LEUTX: variants seen among roughly 807,000 people sequenced by gnomAD.
LEUTX encodes the protein paired-like homeodomain transcription factor LEUTX.
A neutral mutation model predicts 4.5 loss-of-function variants in LEUTX; 5 were observed. That is an observed-to-expected ratio of 1.11 (90% confidence interval 0.58 to 2.34). LEUTX has a LOEUF of 2.34. LEUTX is among the 30% of genes most tolerant of loss of function. The probability of loss-of-function intolerance (pLI) is 0.01; values close to 1 mark genes in which losing one functional copy is unlikely to be tolerated. For missense variants in LEUTX, 233 were observed against 239.4 expected, an observed-to-expected ratio of 0.97 and a Z score of 0.18; for synonymous variants, 89 against 85.1, an observed-to-expected ratio of 1.05 and a Z score of -0.25.
Position 39,785,839 on chromosome 19 carries a change from C to G in LEUTX, c.301C>G (p.Arg101Gly), listed in dbSNP as rs547985951. 3.2e-6 allele frequency: 5 copies of G among 1,551,778 alleles called. No individual in the cohort carries two copies. In the Admixed American group the frequency reaches 9.8e-5, roughly 30 times the overall value. ...TPSAITTANI[R>G]PVSPGISDAN... ...CTCAGCCATAACTACTGCAAACATT[C>G]GTCCAGTAAGTCCTGGAATCTCTGA... is the stretch of plus-strand genomic sequence containing the variant. Residue 101 changes from arginine to glycine, a missense_variant, in exon 3 of 3, where the codon CGT becomes GGT. Coordinates refer to ENST00000638280, the MANE Select transcript of LEUTX (RefSeq NM_001382345.1).
upstream of LEUTX, among the ~76,000 whole-genome samples, chr19:39,777,818 C>A (rs73546609): frequency 4.1e-3 from 617 of 152,298 alleles, 7 homozygotes; most frequent in African/African-American, 0.014. Context: ...TAAAACAAAA[C>A]GTAAAAAGAT....
intron 2 of LEUTX, 126 bp downstream of exon 2, chr19:39,784,804 TTA>T: frequency 1.5e-6 from 1 of 656,882 alleles, no homozygotes; most frequent in Non-Finnish European, 2.6e-6. Context: ...GTTAAGCACT[TTA>T]TATTTTTATT....
chr19:39,781,845 G>A (rs2144956362), intron 1 of LEUTX, among the ~76,000 whole-genome samples: 1 of 152,260 alleles, frequency 6.6e-6, no homozygotes, highest in East Asian at 1.9e-4. Context: ...CATGCACCAA[G>A]CCTGTAATTA....
chr19:39,786,210 T>G lies in LEUTX; in HGVS notation c.*75T>G. ...ATATTTCCACACATCTTTAATGGTT[T>G]GACCCCAGTCTAAGTAGATCAGGGG... is the stretch of plus-strand genomic sequence containing the variant. On this transcript the variant is annotated 3_prime_UTR_variant, in exon 3 of 3. Transcript: ENST00000638280. The G allele has an allele frequency of 8.4e-7, 1 of 1,184,774 alleles. No homozygotes were observed. Among genetic ancestry groups the G allele is most frequent in the Non-Finnish European group, 1.2e-6 (1 of 859,600 alleles). The allele number at this position is 1,184,774 out of a possible 1,614,324, so 73.4% of individuals were successfully genotyped here.
intron 1 of LEUTX, among the ~76,000 whole-genome samples, chr19:39,780,358 T>C (rs917747658): frequency 2.0e-5 from 3 of 152,220 alleles, no homozygotes; most frequent in African/African-American, 7.2e-5. Context: ...TTGATGGAAA[T>C]TCTACTTCCC....
intron 1 of LEUTX, among the ~76,000 whole-genome samples, chr19:39,782,272 C>T (rs971641302): frequency 6.6e-6 from 1 of 152,122 alleles, no homozygotes; most frequent in East Asian, 1.9e-4. Flanking sequence ...AATTCCCATG[C>T]GTTGTGGGAA....
rs1184597877 is a variant in LEUTX at position 39,785,959 on chromosome 19, T to C, written c.421T>C (p.Tyr141His). The change falls in exon 3 of 3, where the codon TAT (tyrosine) becomes CAT (histidine). Residue 141 changes from tyrosine (Y) to histidine (H), a missense_variant. Tyr to His is a moderately conservative substitution (Grantham distance 83, BLOSUM62 2). Transcript: ENST00000638280. ...ARVSSWDSQS[Y>H]DIEQICLGAS... Reference sequence around the variant, plus strand: ...GGTTTCATCCTGGGATTCTCAGTCATATGACATTGAACAGATATGTCTGGG... The same window carrying C: ...GGTTTCATCCTGGGATTCTCAGTCACATGACATTGAACAGATATGTCTGGG... The C allele has an allele frequency of 1.3e-6, 2 of 1,551,682 alleles. No homozygotes were observed. Among genetic ancestry groups the C allele is most frequent in the African/African-American group, 2.7e-5 (2 of 73,072 alleles).
rs369685173 is a variant in LEUTX at position 39,785,783 on chromosome 19, A to G, written c.245A>G (p.Gln82Arg). The change falls in exon 3 of 3, where the codon CAG (glutamine) becomes CGG (arginine). Residue 82 changes from glutamine (Q) to arginine (R), a missense_variant. Physicochemically the swap from Gln to Arg is conservative, Grantham distance 43. Coordinates refer to ENST00000638280, the MANE Select transcript of LEUTX (RefSeq NM_001382345.1). ...QTRPSLGPAN[Q>R]TTSVKKEETP... ...CGGCCATCACTAGGGCCAGCAAACC[A>G]GACAACTTCAGTGAAGAAGGAGGAG... 5 of 1,551,780 alleles carry G rather than the reference A, an allele frequency of 3.2e-6. No homozygotes were observed. Among genetic ancestry groups the G allele is most frequent in the Non-Finnish European group, 4.4e-6 (5 of 1,147,002 alleles).
At chr19:39,779,062 A>G (rs757019001) in intron 1 of LEUTX, 135 bp downstream of exon 1, 2 of 152,316 alleles carry the variant, frequency 1.3e-5, no homozygotes, top group Non-Finnish European at 2.9e-5. Flanking sequence ...TATACCAACA[A>G]GGATTGTTTG....
At chr19:39,784,826 A>G (rs1232495560) in intron 2 of LEUTX, 148 bp downstream of exon 2, 1 of 603,202 alleles carries the variant, frequency 1.7e-6, no homozygotes, top group Non-Finnish European at 2.9e-6. Flanking sequence ...TGTCATGAGC[A>G]CCCACTTTAT....
intron 1 of LEUTX, among the ~76,000 whole-genome samples, chr19:39,780,447 G>T (rs926662683): frequency 6.6e-6 from 1 of 151,966 alleles, no homozygotes; most frequent in Non-Finnish European, 1.5e-5. Context: ...TTCATTTATT[G>T]TGCTCATCGT....
At chr19:39,785,591 A>G in intron 2 of LEUTX, 107 bp from the exon 3 acceptor site, 2 of 816,228 alleles carry the variant, frequency 2.5e-6, no homozygotes, top group Admixed American at 5.6e-5. Flanking sequence ...TTGTTCCAAT[A>G]AATGTGAGAC....
rs1967971197 is a variant in LEUTX at position 39,786,206 on chromosome 19, G to A, written c.*71G>A. 5 of 1,212,866 alleles carry A rather than the reference G, an allele frequency of 4.1e-6. No individual in the cohort carries two copies. Among genetic ancestry groups the A allele is most frequent in the Non-Finnish European group, 5.6e-6 (5 of 885,382 alleles). 75.1% of individuals were successfully genotyped at this position (1,212,866 alleles called of 1,614,324 possible). A position where few individuals can be genotyped will look rare whatever the true frequency, so the allele number is the denominator to read the frequency against. On this transcript the variant is annotated 3_prime_UTR_variant, in exon 3 of 3. Transcript: ENST00000638280. ...AGACATATTTCCACACATCTTTAATGGTTTGACCCCAGTCTAAGTAGATCA... is the reference window on the plus strand; with the variant it reads ...AGACATATTTCCACACATCTTTAATAGTTTGACCCCAGTCTAAGTAGATCA...
At position 39,785,858 on chromosome 19, in the gene LEUTX, T is replaced by C. The variant is rs1335649833; in HGVS notation, c.320T>C (p.Ile107Thr). The C allele has an allele frequency of 6.4e-7, 1 of 1,551,688 alleles. No homozygotes were observed. The highest frequency in any genetic ancestry group is 8.7e-7 in the Non-Finnish European group (1 of 1,147,028). Residue 107 changes from isoleucine (I) to threonine (T), a missense_variant, in exon 3 of 3, where the codon ATC becomes ACC. Physicochemically the swap from Ile to Thr is moderately conservative, Grantham distance 89. Transcript: ENST00000638280. ...TANIRPVSPG[I>T]SDANDHDLRE... ...AACATTCGTCCAGTAAGTCCTGGAA[T>C]CTCTGATGCAAATGACCATGATCTA...
intron 1 of LEUTX, among the ~76,000 whole-genome samples, chr19:39,782,090 A>C (rs981669697): frequency 2.0e-5 from 3 of 152,206 alleles, no homozygotes; most frequent in African/African-American, 7.2e-5. Flanking sequence ...CTCACAAGCC[A>C]ATCAACATAG....
chr19:39,784,403 A>G, intron 1 of LEUTX, 124 bp from the exon 2 acceptor site: 2 of 549,312 alleles, frequency 3.6e-6, no homozygotes, highest in Non-Finnish European at 3.2e-6. Context: ...TGTCAGAGGG[A>G]CGGTCTAGGG....
chr19:39,779,116 C>A (rs1303180204), intron 1 of LEUTX, among the ~76,000 whole-genome samples, 189 bp downstream of exon 1: 1 of 152,130 alleles, frequency 6.6e-6, no homozygotes, highest in Non-Finnish European at 1.5e-5. Flanking sequence ...GAATTTGTTT[C>A]TCCACATCTC....
chr19:39,785,764 T>C lies in LEUTX; in HGVS notation c.226T>C (p.Ser76Pro), dbSNP rs1171100356. ...GCGGCAGCAAATGCAGACACGGCCA[T>C]CACTAGGGCCAGCAAACCAGACAAC... ...QQRQQMQTRP[S>P]LGPANQTTSV... Residue 76 changes from serine to proline, a missense_variant, in exon 3 of 3, where the codon TCA becomes CCA. Ser to Pro is a moderately conservative substitution (Grantham distance 74, BLOSUM62 -1). Transcript: ENST00000638280. 4.5e-6 allele frequency: 7 copies of C among 1,551,648 alleles called. No individual in the cohort carries two copies. Among genetic ancestry groups the C allele is most frequent in the Non-Finnish European group, 6.1e-6 (7 of 1,146,984 alleles).
upstream of LEUTX, chr19:39,776,535 G>A (rs1407390077): frequency 8.9e-6 from 4 of 450,060 alleles, no homozygotes; most frequent in African/African-American, 8.1e-5. Flanking sequence ...AGGGAATGAG[G>A]CCTCTGAAAG....
Sources: gnomAD v4.1 joint callset for allele counts (sites outside exome capture counted in the v4.1 genomes callset) on GRCh38, gnomAD v4.1.1 for gene constraint, MANE v1.5 for transcripts, NCBI Gene and HGNC (gene_info 2026-07-23, HGNC 2026-07-21) for gene names.